EML2: variants seen among roughly 807,000 people sequenced by gnomAD.
EML2 encodes EMAP like 2.
A neutral mutation model predicts 84.7 loss-of-function variants in EML2; 59 were observed. The observed-to-expected ratio is 0.70, with a 90% CI of 0.56 to 0.86. The LOEUF (loss-of-function observed/expected upper bound fraction) is 0.86, where lower values mean the gene tolerates loss of function less well. Among genes scored for constraint, EML2 ranks in the 40% least tolerant of loss-of-function variants. The pLI is 0.00. For synonymous variants in EML2, 352 were observed against 348.9 expected, an observed-to-expected ratio of 1.01 and a Z score of -0.10; for missense variants, 818 against 855.6, an observed-to-expected ratio of 0.96 and a Z score of 0.55.
intron 18 of EML2, among the ~76,000 whole-genome samples, chr19:45,611,693 G>A (rs1970516081): frequency 6.6e-6 from 1 of 152,010 alleles, no homozygotes. Context: ...TCACCATGTT[G>A]GCCAGGCTAG....
chr19:45,631,774 C>A (rs946142437), intron 6 of EML2, among the ~76,000 whole-genome samples: 1 of 151,814 alleles, frequency 6.6e-6, no homozygotes, highest in African/African-American at 2.4e-5. Context: ...GGCATGATCA[C>A]AGTTCACTGC....
At chr19:45,620,122 A>AT (rs971055620) in intron 11 of EML2, among the ~76,000 whole-genome samples, 72 of 149,820 alleles carry the variant, frequency 4.8e-4, no homozygotes, top group African/African-American at 1.5e-3. Flanking sequence ...TTTATAACAA[A>AT]TTTTTTTTTT....
chr19:45,633,313 C>A (rs1240152607), intron 4 of EML2, among the ~76,000 whole-genome samples, 174 bp from the exon 5 acceptor site: 1 of 152,186 alleles, frequency 6.6e-6, no homozygotes, highest in Non-Finnish European at 1.5e-5. Flanking sequence ...GGATCAGAAG[C>A]AAGACTTAGG....
At chr19:45,625,934 A>G (rs1568459906) in intron 8 of EML2, among the ~76,000 whole-genome samples, 1 of 151,514 alleles carries the variant, frequency 6.6e-6, no homozygotes, top group Non-Finnish European at 1.5e-5. Context: ...GCTGGAGTGC[A>G]GTGGTACCAT....
In EML2 at chr19:45,609,805, A is replaced by T; in HGVS notation, c.1825-17T>A. 1 of 1,611,044 alleles carries T rather than the reference A, an allele frequency of 6.2e-7. No homozygotes were observed. The highest frequency in any genetic ancestry group is 1.7e-4 in the Middle Eastern group (1 of 6,014). ...GCTGAGGGCCTGTTACAAGGAAAGA[A>T]GTAAGTGAAGAAATGTCAGTGGGGA... On this transcript the variant is annotated splice_polypyrimidine_tract_variant and intron_variant, in intron 18 of 18. Coordinates refer to ENST00000245925, the MANE Select transcript of EML2 (RefSeq NM_012155.4).
chr19:45,642,002 A>C, upstream of EML2: 3 of 1,445,776 alleles, frequency 2.1e-6, no homozygotes, highest in Non-Finnish European at 2.7e-6. Context: ...CGAGCCATTA[A>C]GGGGCGTCCT....
intron 7 of EML2, chr19:45,628,595 G>A (rs1018120579): frequency 1.3e-5 from 2 of 152,078 alleles, no homozygotes; most frequent in South Asian, 2.1e-4. Flanking sequence ...GGCAGAGGCA[G>A]ATGGATCACC....
At chr19:45,636,845 G>A (rs1973781448) in intron 3 of EML2, among the ~76,000 whole-genome samples, 1 of 152,254 alleles carries the variant, frequency 6.6e-6, no homozygotes, top group Non-Finnish European at 1.5e-5. Flanking sequence ...TACTGTAGTG[G>A]CCGAGGCAGA....
At chr19:45,643,573 T>G, upstream of EML2, 1 of 1,535,796 alleles carries the variant, frequency 6.5e-7, no homozygotes, top group Non-Finnish European at 8.7e-7. Context: ...CGCAGAATAC[T>G]CATACCCAGA....
chr19:45,612,255 G>C (rs752354264), intron 18 of EML2, among the ~76,000 whole-genome samples: 5 of 152,108 alleles, frequency 3.3e-5, no homozygotes, highest in Admixed American at 6.6e-5. Context: ...AGTAGAGTCA[G>C]GGTTTCACCA....
intron 15 of EML2, 124 bp downstream of exon 15, chr19:45,616,337 C>T: frequency 1.4e-6 from 1 of 719,078 alleles, no homozygotes; most frequent in East Asian, 2.7e-5. Context: ...GCCAAGACTC[C>T]TTGCTCTGAT....
upstream of EML2, chr19:45,642,031 G>A (rs1193925100): frequency 6.9e-7 from 1 of 1,443,048 alleles, no homozygotes; most frequent in East Asian, 2.5e-5. Context: ...GGCCTTTCAA[G>A]AGCTGACACA....
At chr19:45,645,061 G>C (rs924710823), upstream of EML2, 3 of 616,066 alleles carry the variant, frequency 4.9e-6, no homozygotes, top group African/African-American at 1.8e-5. Flanking sequence ...TAGCCACCTC[G>C]GGAGTACAGA....
Position 45,621,303 on chromosome 19 carries a change from G to T in EML2, c.1026C>A (p.Thr342=). Residue 342 remains threonine, a synonymous_variant, in exon 11 of 19, where the codon ACC becomes ACA. Coordinates refer to ENST00000245925, the MANE Select transcript of EML2 (RefSeq NM_012155.4). ...GTGTGTCTCCGTGGCCCTCTGCCAC[G>T]GTGCGCACAGGGCCAAAGTCCTCAG... ...EVPEDFGPVR[T]VAEGHGDTLY... is the part of the protein sequence containing the mutation. The T allele has an allele frequency of 6.2e-7, 1 of 1,611,144 alleles. No homozygotes were observed. Among genetic ancestry groups the T allele is most frequent in the Non-Finnish European group, 8.5e-7 (1 of 1,178,212 alleles).
chr19:45,642,561 CCT>C (rs1974651803), upstream of EML2: 4 of 1,362,140 alleles, frequency 2.9e-6, no homozygotes, highest in Non-Finnish European at 3.8e-6. Flanking sequence ...TCCGCACACT[CCT>C]CTCTGCCACA....
At chr19:45,616,280 C>T (rs1339091577) in intron 15 of EML2, 181 bp downstream of exon 15, 7 of 577,626 alleles carry the variant, frequency 1.2e-5, no homozygotes, top group South Asian at 1.1e-4. Flanking sequence ...CGGGGCTACA[C>T]AAAGGGGCGG....
chr19:45,612,222 G>A (rs1020922275), intron 18 of EML2, among the ~76,000 whole-genome samples: 2 of 151,976 alleles, frequency 1.3e-5, no homozygotes, highest in African/African-American at 2.4e-5. Flanking sequence ...CTGCCACTAC[G>A]CCTTGCTAAC....
upstream of EML2, chr19:45,640,411 TG>T (rs56172397): frequency 0.25 from 28,121 of 112,278 alleles, 2,320 homozygotes; most frequent in East Asian, 0.43. Context: ...TTTTTTTTTT[TG>T]TTTTTTGTTT....
At chr19:45,632,574 C>A (rs975791518) in intron 6 of EML2, 4 of 360,374 alleles carry the variant, frequency 1.1e-5, no homozygotes, top group Non-Finnish European at 1.6e-5. Flanking sequence ...GGCATACTCT[C>A]GCTTTCTGTA....
Sources: gnomAD v4.1 joint callset for allele counts (sites outside exome capture counted in the v4.1 genomes callset) on GRCh38, gnomAD v4.1.1 for gene constraint, MANE v1.5 for transcripts, NCBI Gene and HGNC (gene_info 2026-07-23, HGNC 2026-07-21) for gene names.